The following NACC2 variants were observed in gnomAD, a reference collection of about 807,000 sequenced individuals.
NACC2 encodes NACC family member 2, also known as nucleus accumbens-associated protein 2.
Under a neutral mutation model 25.1 loss-of-function variants are expected in NACC2, and 8 were observed. The ratio of observed to expected loss-of-function variants is 0.32; its 90% CI spans 0.19 to 0.57. The LOEUF is 0.57. Among genes scored for constraint, NACC2 ranks in the 20% least tolerant of loss-of-function variants. NACC2 has a pLI of 0.89. For missense variants in NACC2, 644 were observed against 650.2 expected, an observed-to-expected ratio of 0.99 and a Z score of 0.10; for synonymous variants, 435 against 294.7, an observed-to-expected ratio of 1.48 and a Z score of -4.88.
intron 2 of NACC2, among the ~76,000 whole-genome samples, chr9:136,037,994 G>A (rs964421851): frequency 4.5e-4 from 68 of 152,114 alleles, no homozygotes; most frequent in African/African-American, 1.5e-3. Flanking sequence ...GCCATACAAT[G>A]GAATACTACT....
intron 2 of NACC2, among the ~76,000 whole-genome samples, chr9:136,017,404 G>A (rs745377046): frequency 5.3e-5 from 8 of 152,084 alleles, no homozygotes; most frequent in East Asian, 1.9e-4. Context: ...CTCATCTGAC[G>A]ACCACCTGCT....
chr9:136,060,895 C>T (rs1250022003), intron 1 of NACC2, among the ~76,000 whole-genome samples: 1 of 152,194 alleles, frequency 6.6e-6, no homozygotes, highest in Non-Finnish European at 1.5e-5. Context: ...GGAAGCCCCC[C>T]AACACAGCCA....
rs1840911592 is a variant in NACC2, at chr9:136,055,534, C to T, written c.-59-4954G>A. Among the ~76,000 whole-genome samples, 1 of 152,182 alleles carries T rather than the reference C, an allele frequency of 6.6e-6. No homozygotes were observed. Among genetic ancestry groups the T allele is most frequent in the South Asian group, 2.1e-4 (1 of 4,826 alleles). The stretch of plus-strand genomic sequence containing the variant: ...CGCCCAGAGTCCCCAGAAACCCTGC[C>T]CCCTCCACCCCTAGATTGTAAAGCA... On this transcript the variant is annotated intron_variant, in intron 1 of 5. Coordinates refer to ENST00000277554, the MANE Select transcript of NACC2 (RefSeq NM_144653.5). The surrounding 1 kb of genome is among the most constrained non-coding windows in gnomAD (Gnocchi z 4.9).
At chr9:136,056,502 C>T (rs1840926750) in intron 1 of NACC2, among the ~76,000 whole-genome samples, 1 of 152,238 alleles carries the variant, frequency 6.6e-6, no homozygotes, top group Non-Finnish European at 1.5e-5. Context: ...GTCATCAAGT[C>T]ACAAGAGCCA....
chr9:136,017,827 G>A (rs1840225542), intron 2 of NACC2, among the ~76,000 whole-genome samples: 1 of 152,190 alleles, frequency 6.6e-6, no homozygotes, highest in South Asian at 2.1e-4. Context: ...CCACTGCCCT[G>A]GGCTCCTGCA....
chr9:136,079,840 C>T (rs1190523642), intron 1 of NACC2, among the ~76,000 whole-genome samples: 1 of 152,236 alleles, frequency 6.6e-6, no homozygotes, highest in Non-Finnish European at 1.5e-5. Context: ...GAAGTCTCAA[C>T]TTTCCAGGAC....
intron 1 of NACC2, among the ~76,000 whole-genome samples, chr9:136,082,610 G>A (rs1488422131): frequency 6.6e-6 from 1 of 152,170 alleles, no homozygotes; most frequent in Non-Finnish European, 1.5e-5. Flanking sequence ...AGGTGCTGCT[G>A]AGCTGATGGA....
chr9:136,020,283 G>A lies in NACC2; in HGVS notation c.887-3854C>T, dbSNP rs1214831266. 1.3e-5 allele frequency among the ~76,000 whole-genome samples: 2 copies of A among 152,160 alleles called. No homozygotes were observed. On this transcript the variant is annotated intron_variant, in intron 2 of 5. Coordinates refer to ENST00000277554, the MANE Select transcript of NACC2 (RefSeq NM_144653.5). This position sits in a 1 kb window ranked among gnomAD's most constrained non-coding sequence, Gnocchi z 4.7. ...ACCCTGACTTTTCTCAACTCCCTGG[G>A]TTACTGATTGGGTTCTGAGGTGCTC...
At chr9:136,094,368 G>A (rs953221935) in intron 1 of NACC2, among the ~76,000 whole-genome samples, 1 of 152,166 alleles carries the variant, frequency 6.6e-6, no homozygotes, top group Non-Finnish European at 1.5e-5. Context: ...TTCCCCCAGA[G>A]CCTGGCAGAG....
chr9:136,041,389 CA>C (rs1840630215), intron 2 of NACC2, among the ~76,000 whole-genome samples: 1 of 150,930 alleles, frequency 6.6e-6, no homozygotes, highest in African/African-American at 2.4e-5. Context: ...CACTGCACTC[CA>C]GCCTGGGTAA....
At chr9:136,076,036 C>A (rs967617060) in intron 1 of NACC2, among the ~76,000 whole-genome samples, 1 of 152,058 alleles carries the variant, frequency 6.6e-6, no homozygotes, top group Non-Finnish European at 1.5e-5. Context: ...CGTGTGGTCA[C>A]GAAGAGATCC....
At chr9:136,040,407 A>G (rs1840610728) in intron 2 of NACC2, among the ~76,000 whole-genome samples, 1 of 152,218 alleles carries the variant, frequency 6.6e-6, no homozygotes, top group African/African-American at 2.4e-5. Flanking sequence ...ATGAAATTAT[A>G]AACAATATAA....
intron 2 of NACC2, among the ~76,000 whole-genome samples, chr9:136,034,715 A>G (rs1346628112): frequency 6.6e-6 from 1 of 152,212 alleles, no homozygotes; most frequent in Non-Finnish European, 1.5e-5. Context: ...ATGAAGGAAT[A>G]AAACCAGTGA....
At position 136,007,554 on chromosome 9, in the gene NACC2, CACACACAG is replaced by C. The variant is rs1564213095; in HGVS notation, c.*3954_*3961del. ...AGACGTGCACACACAGACACGCACACACACACAGACACGCGCACACGCACACTCTCACC... is the reference window on the plus strand; with the variant it reads ...AGACGTGCACACACAGACACGCACACACACGCGCACACGCACACTCTCACC... On this transcript the variant is annotated 3_prime_UTR_variant, in exon 6 of 6. Coordinates refer to ENST00000277554, the MANE Select transcript of NACC2 (RefSeq NM_144653.5). 4 of 150,192 alleles carry C rather than the reference CACACACAG, an allele frequency of 2.7e-5. No individual in the cohort carries two copies. Among genetic ancestry groups the C allele is most frequent in the South Asian group, 2.1e-4 (1 of 4,796 alleles). The allele number at this position is 150,192 out of a possible 1,614,324, so 9.3% of individuals were successfully genotyped here.
chr9:136,038,688 G>A (rs1295892624), intron 2 of NACC2, among the ~76,000 whole-genome samples: 1 of 152,200 alleles, frequency 6.6e-6, no homozygotes, highest in Admixed American at 6.5e-5. Flanking sequence ...TAAGCCTGAT[G>A]TTAAGTGCAG....
At chr9:136,033,895 GT>G (rs1251917292) in intron 2 of NACC2, among the ~76,000 whole-genome samples, 9 of 9,498 alleles carry the variant, frequency 9.5e-4, no homozygotes, top group East Asian at 4.0e-3. Context: ...ATTCCAGCAG[GT>G]GTGTGTGTGT....
At chr9:136,069,528 G>T (rs1330106702) in intron 1 of NACC2, among the ~76,000 whole-genome samples, 1 of 151,022 alleles carries the variant, frequency 6.6e-6, no homozygotes, top group Non-Finnish European at 1.5e-5. Flanking sequence ...CAGCCTGGGT[G>T]AAAGAGTGAA....
chr9:136,013,854 C>A lies in NACC2; in HGVS notation c.1157+10G>T. The A allele has an allele frequency of 6.2e-7, 1 of 1,611,564 alleles. No homozygotes were observed. The highest frequency in any genetic ancestry group is 8.5e-7 in the Non-Finnish European group (1 of 1,179,234). Reference sequence around the variant, plus strand: ...CCATTGTGCCCTCCAGCACTCCTGCCCCGACCTACCTGTCAAAGAAGGTGG... The same window carrying A: ...CCATTGTGCCCTCCAGCACTCCTGCACCGACCTACCTGTCAAAGAAGGTGG... On this transcript the variant is annotated intron_variant, in intron 4 of 5. Transcript: ENST00000277554. The surrounding 1 kb of genome is among the most constrained non-coding windows in gnomAD (Gnocchi z 6.6).
rs10597829 is a variant in NACC2 at position 136,062,114 on chromosome 9, AGACAGGACAGGACAGGACAGGACAG to A, written c.-59-11559_-59-11535del. 4.7e-3 allele frequency among the ~76,000 whole-genome samples: 672 copies of A among 142,552 alleles called. 5 individuals carry two copies. Among genetic ancestry groups the A allele is most frequent in the Middle Eastern group, 0.011 (3 of 278 alleles). 93.5% of individuals were successfully genotyped at this position (142,552 alleles called of 152,430 possible). ...GTACTCCAGCCTGGGCAACAGAGCG[AGACAGGACAGGACAGGACAGGACAG>A]GACAGGACAGGACAGGACAGGACAG... On this transcript the variant is annotated intron_variant, in intron 1 of 5. Coordinates refer to ENST00000277554, the MANE Select transcript of NACC2 (RefSeq NM_144653.5).
Sources: allele counts gnomAD v4.1 joint callset (sites outside exome capture counted in the v4.1 genomes callset), GRCh38; gene constraint gnomAD v4.1.1; non-coding constraint Gnocchi (gnomAD v3.1); transcripts MANE v1.5; gene names NCBI Gene and HGNC (gene_info 2026-07-23, HGNC 2026-07-21).